Variants in UGT2A1 observed in about 807,000 individuals in gnomAD.
UGT2A1 encodes UDP-glucuronosyltransferase 2A1.
UGT2A1 carries 61 observed loss-of-function variants against 45.4 expected under a neutral mutation model. The observed-to-expected ratio is 1.34, with a 90% CI of 1.09 to 1.66. The LOEUF is 1.66. UGT2A1 is among the 40% of genes most tolerant of loss of function. The pLI is 0.00. For missense variants in UGT2A1, 649 were observed against 574.3 expected, an observed-to-expected ratio of 1.13 and a Z score of -1.33; for synonymous variants, 229 against 196.2, an observed-to-expected ratio of 1.17 and a Z score of -1.40.
At position 69,594,683 on chromosome 4, in the gene UGT2A1, G is replaced by C. The variant is rs750500169; in HGVS notation, c.1098C>G (p.Thr366=). Residue 366 remains threonine (T), a synonymous_variant, in exon 6 of 7, where the codon ACC becomes ACG. Coordinates refer to ENST00000286604, the MANE Select transcript of UGT2A1 (RefSeq NM_001252275.3). ...TTCCACCATGAGTGATAAAAGCTTT[G>C]GTTTTGGGATGTCCTAATTTGAGGA... ...PQNDLLGHPK[T]KAFITHGGTN... is the part of the protein sequence containing the mutation. 6.9e-5 allele frequency: 112 copies of C among 1,613,536 alleles called. No individual in the cohort carries two copies. Among genetic ancestry groups the C allele is most frequent in the Non-Finnish European group, 9.5e-5 (112 of 1,179,734 alleles).
At chr4:69,635,428 T>G (rs896588532) in intron 3 of UGT2A1, among the ~76,000 whole-genome samples, 1 of 152,180 alleles carries the variant, frequency 6.6e-6, no homozygotes, top group Non-Finnish European at 1.5e-5. Flanking sequence ...TTCACTACAG[T>G]GTTCAAGGGC....
chr4:69,637,157 A>G (rs761181874), intron 2 of UGT2A1, among the ~76,000 whole-genome samples: 1 of 152,186 alleles, frequency 6.6e-6, no homozygotes, highest in Non-Finnish European at 1.5e-5. Context: ...TTTGAAAGCC[A>G]GAAAAAAAGA....
chr4:69,620,639 A>AAT (rs1002135724), intron 3 of UGT2A1, among the ~76,000 whole-genome samples: 10 of 147,292 alleles, frequency 6.8e-5, no homozygotes, highest in Admixed American at 6.7e-5. Context: ...ACTATTTTAA[A>AAT]ATATATATAT....
chr4:69,620,215 A>T (rs1720662203), intron 3 of UGT2A1, among the ~76,000 whole-genome samples: 1 of 152,010 alleles, frequency 6.6e-6, no homozygotes, highest in African/African-American at 2.4e-5. Context: ...ACACAACATG[A>T]TTCTATATGT....
At chr4:69,622,824 G>A (rs1392299432) in intron 3 of UGT2A1, among the ~76,000 whole-genome samples, 2 of 151,622 alleles carry the variant, frequency 1.3e-5, no homozygotes, top group African/African-American at 2.4e-5. Flanking sequence ...TTCATCCAGC[G>A]GTCCACATCC....
chr4:69,648,307 C>A (rs7659937), intron 1 of UGT2A1, among the ~76,000 whole-genome samples: 120,673 of 150,464 alleles, frequency 0.8, 48,640 homozygotes, highest in African/African-American at 0.88. Flanking sequence ...TTTGTTAATC[C>A]TCAAGAAAAT....
chr4:69,611,860 G>A (rs139099625), intron 3 of UGT2A1, among the ~76,000 whole-genome samples: 1 of 152,074 alleles, frequency 6.6e-6, no homozygotes, highest in Non-Finnish European at 1.5e-5. Flanking sequence ...GATTGCCCTA[G>A]TTTCCCTCAT....
chr4:69,596,390 A>G (rs1169210022), intron 4 of UGT2A1: 1 of 1,562,582 alleles, frequency 6.4e-7, no homozygotes, highest in South Asian at 1.2e-5. Context: ...TCCTGCATAC[A>G]TAATATATTT....
chr4:69,634,062 G>A (rs1395147980), intron 3 of UGT2A1, among the ~76,000 whole-genome samples: 3 of 152,002 alleles, frequency 2.0e-5, no homozygotes, highest in Admixed American at 6.6e-5. Flanking sequence ...TGGCTAACAT[G>A]GTGAAACCCC....
At chr4:69,592,287 C>A (rs1718637224) in intron 6 of UGT2A1, among the ~76,000 whole-genome samples, 1 of 151,832 alleles carries the variant, frequency 6.6e-6, no homozygotes, top group South Asian at 2.1e-4. Context: ...CAATTAAGTC[C>A]AATACAACAT....
intron 3 of UGT2A1, among the ~76,000 whole-genome samples, chr4:69,628,360 C>T (rs760069477): frequency 6.6e-6 from 1 of 151,814 alleles, no homozygotes; most frequent in Non-Finnish European, 1.5e-5. Flanking sequence ...TTTCAAAATA[C>T]ACTACAAAGT....
chr4:69,635,199 A>C (rs1288975670), intron 3 of UGT2A1, among the ~76,000 whole-genome samples: 1 of 152,174 alleles, frequency 6.6e-6, no homozygotes, highest in Non-Finnish European at 1.5e-5. Context: ...CAAAAAATAA[A>C]AATGAATAAA....
chr4:69,646,442 G>T (rs1423629082), intron 2 of UGT2A1, among the ~76,000 whole-genome samples: 1 of 151,748 alleles, frequency 6.6e-6, no homozygotes, highest in South Asian at 2.1e-4. Context: ...TACAATTAAA[G>T]GTGATAAAGC....
intron 3 of UGT2A1, among the ~76,000 whole-genome samples, chr4:69,618,212 T>TGC (rs1287603698): frequency 2.9e-5 from 3 of 105,092 alleles, no homozygotes; most frequent in African/African-American, 9.8e-5. Flanking sequence ...TGTGTGTGTG[T>TGC]GTGTATGTTT....
chr4:69,593,942 A>AAAAT (rs1482567041), intron 6 of UGT2A1, among the ~76,000 whole-genome samples: 1 of 151,588 alleles, frequency 6.6e-6, no homozygotes, highest in Non-Finnish European at 1.5e-5. Context: ...TTTATTTTGA[A>AAAAT]AAATATTGAA....
intron 4 of UGT2A1, among the ~76,000 whole-genome samples, chr4:69,597,047 C>A (rs1407539202): frequency 1.3e-5 from 2 of 152,188 alleles, no homozygotes; most frequent in Admixed American, 6.5e-5. Context: ...GGAAGCCCAA[C>A]AAAGGATACT....
intron 3 of UGT2A1, among the ~76,000 whole-genome samples, chr4:69,620,433 G>T (rs1460785257): frequency 1.5e-5 from 2 of 134,496 alleles, no homozygotes; most frequent in Admixed American, 7.1e-5. Context: ...GGAGGTGAAA[G>T]ATCTCTACAA....
intron 3 of UGT2A1, among the ~76,000 whole-genome samples, chr4:69,628,163 C>G (rs1721191969): frequency 6.6e-6 from 1 of 151,822 alleles, no homozygotes; most frequent in African/African-American, 2.4e-5. Context: ...TAATTTGTCT[C>G]AGGGCATCAA....
chr4:69,609,171 G>A (rs1319263672), intron 3 of UGT2A1, among the ~76,000 whole-genome samples: 1 of 61,034 alleles, frequency 1.6e-5, no homozygotes, highest in Non-Finnish European at 3.5e-5. Context: ...TTTTTTTTTT[G>A]ACACAGCGTT....
Sources: allele counts gnomAD v4.1 joint callset (sites outside exome capture counted in the v4.1 genomes callset), GRCh38; gene constraint gnomAD v4.1.1; transcripts MANE v1.5; gene names NCBI Gene and HGNC (gene_info 2026-07-23, HGNC 2026-07-21).